UBL7: variants seen among roughly 807,000 people sequenced by gnomAD.
The protein encoded by UBL7 is ubiquitin-like protein 7.
Under a neutral mutation model 41.7 loss-of-function variants are expected in UBL7, and 21 were observed. The ratio of observed to expected loss-of-function variants is 0.50; its 90% CI spans 0.36 to 0.73. The LOEUF (loss-of-function observed/expected upper bound fraction) is 0.73, where lower values mean the gene tolerates loss of function less well. UBL7 is among the 30% of genes least tolerant of loss of function. The pLI is 0.00. For missense variants in UBL7, 403 were observed against 478.4 expected, an observed-to-expected ratio of 0.84 and a Z score of 1.47; for synonymous variants, 157 against 186.9, an observed-to-expected ratio of 0.84 and a Z score of 1.31.
At chr15:74,455,996 G>A (rs1358764567) in intron 3 of UBL7, among the ~76,000 whole-genome samples, 4 of 152,128 alleles carry the variant, frequency 2.6e-5, no homozygotes, top group Non-Finnish European at 5.9e-5. Context: ...GCTTGGTGGT[G>A]GGCGCCTGTA....
At chr15:74,450,155 C>T in intron 6 of UBL7, 86 bp from the exon 7 acceptor site, 1 of 1,433,954 alleles carries the variant, frequency 7.0e-7, no homozygotes, top group Non-Finnish European at 9.3e-7. Flanking sequence ...CCCCTCACAA[C>T]AATGCAGCCA....
chr15:74,458,950 C>A, intron 1 of UBL7, 54 bp from the exon 2 acceptor site: 2 of 1,520,466 alleles, frequency 1.3e-6, no homozygotes, highest in South Asian at 2.3e-5. Context: ...CTCTACTCCA[C>A]CCCCACCCAC....
Position 74,461,159 on chromosome 15 carries a change from C to T in UBL7, c.-152G>A, listed in dbSNP as rs1308280686. On this transcript the variant is annotated 5_prime_UTR_variant, in exon 1 of 11. Coordinates refer to ENST00000395081, the MANE Select transcript of UBL7 (RefSeq NM_032907.5). ...ACTGCCGCCGGTGTAAACACTCACTCTGGCCCTCTCGCCGGAAACCGGAAA... is the reference window on the plus strand; with the variant it reads ...ACTGCCGCCGGTGTAAACACTCACTTTGGCCCTCTCGCCGGAAACCGGAAA... The T allele has an allele frequency of 3.5e-5, 35 of 990,112 alleles. No individual in the cohort carries two copies. The highest frequency in any genetic ancestry group is 4.2e-5 in the Non-Finnish European group (35 of 832,386). 61.3% of individuals were successfully genotyped at this position (990,112 alleles called of 1,614,324 possible). A position where few individuals can be genotyped will look rare whatever the true frequency, so the allele number is the denominator to read the frequency against.
At chr15:74,457,929 G>A (rs1415596768) in intron 2 of UBL7, among the ~76,000 whole-genome samples, 4 of 152,062 alleles carry the variant, frequency 2.6e-5, no homozygotes, top group Non-Finnish European at 4.4e-5. Flanking sequence ...CCTTTTCAGT[G>A]TAATTTAATT....
Position 74,446,143 on chromosome 15 carries a change from C to A in UBL7, c.1090G>T (p.Gly364Cys). The A allele has an allele frequency of 6.2e-7, 1 of 1,614,062 alleles. No homozygotes were observed. The highest frequency in any genetic ancestry group is 1.1e-5 in the South Asian group (1 of 91,084). The change falls in exon 11 of 11, where the codon GGT (glycine) becomes TGT (cysteine). Residue 364 changes from glycine to cysteine, a missense_variant. By Grantham distance (159) the Gly-to-Cys change is radical. Transcript: ENST00000395081. This position sits in a 1 kb window ranked among gnomAD's most constrained non-coding sequence, Gnocchi z 4.1. ...TCCAGGGCTGCTTGGATGTCCCCAC[C>A]GGTGGCCTGCAGGGCCCGCAGGCTC... The part of the protein sequence containing the change: ...ELSLRALQAT[G>C]GDIQAALELI...
At chr15:74,450,921 G>C (rs2061239350) in intron 5 of UBL7, 62 bp from the exon 6 acceptor site, 1 of 1,584,814 alleles carries the variant, frequency 6.3e-7, no homozygotes, top group African/African-American at 1.3e-5. Flanking sequence ...AGGGAGAAGA[G>C]GCTTTGCGTC....
intron 3 of UBL7, among the ~76,000 whole-genome samples, chr15:74,456,191 G>A (rs904730980): frequency 2.6e-5 from 4 of 151,666 alleles, no homozygotes; most frequent in Non-Finnish European, 4.4e-5. Flanking sequence ...CCAGCTACTC[G>A]GGAGGCTGAG....
intron 3 of UBL7, among the ~76,000 whole-genome samples, chr15:74,453,897 G>T (rs1596217070): frequency 1.3e-5 from 2 of 152,320 alleles, no homozygotes; most frequent in South Asian, 4.1e-4. Context: ...CAATAAAAAG[G>T]TCATTTGTTT....
intron 3 of UBL7, among the ~76,000 whole-genome samples, chr15:74,454,624 C>T (rs1303978052): frequency 6.6e-6 from 1 of 152,080 alleles, no homozygotes; most frequent in Admixed American, 6.6e-5. Flanking sequence ...TCTCGAACTC[C>T]CAATCTCAGG....
chr15:74,452,519 G>T (rs1235491347), intron 3 of UBL7, 141 bp from the exon 4 acceptor site: 2 of 791,372 alleles, frequency 2.5e-6, no homozygotes, highest in Admixed American at 2.5e-5. Context: ...GAATGTGAGT[G>T]CCTGCTCAGA....
At chr15:74,457,554 AAT>A (rs139394877) in intron 2 of UBL7, among the ~76,000 whole-genome samples, 38,256 of 147,066 alleles carry the variant, frequency 0.26, 6,824 homozygotes, top group East Asian at 0.54. Flanking sequence ...AAAAAAAAGA[AAT>A]ATATATATAT....
intron 9 of UBL7, 60 bp downstream of exon 9, chr15:74,449,126 C>G: frequency 6.7e-7 from 1 of 1,501,828 alleles, no homozygotes; most frequent in South Asian, 1.3e-5. Context: ...ATCTACTCTA[C>G]TGCTGGGGAG....
chr15:74,454,895 C>T (rs2061280849), intron 3 of UBL7, among the ~76,000 whole-genome samples: 1 of 152,210 alleles, frequency 6.6e-6, no homozygotes, highest in Admixed American at 6.5e-5. Flanking sequence ...GCAGCTGTTA[C>T]TCTCATCAGC....
intron 1 of UBL7, among the ~76,000 whole-genome samples, chr15:74,460,026 A>G (rs2061334181): frequency 6.6e-6 from 1 of 150,936 alleles, no homozygotes; most frequent in South Asian, 2.1e-4. Context: ...CGGATCACTT[A>G]AGATCAGGTG....
rs180867141 is a variant in UBL7 at position 74,450,802 on chromosome 15, G to A, written c.530C>T (p.Thr177Met). Residue 177 changes from threonine (T) to methionine (M), a missense_variant and splice_region_variant, in exon 6 of 11, where the codon ACG (threonine) becomes ATG (methionine). By Grantham distance (81) the Thr-to-Met change is moderately conservative. Coordinates refer to ENST00000395081, the MANE Select transcript of UBL7 (RefSeq NM_032907.5). Reference protein sequence around the residue: ...SVFADPNMLDTLVPAHPALVN... With the variant: ...SVFADPNMLDMLVPAHPALVN... Reference sequence around the variant, plus strand: ...CCTCTAATAGGACAGGTACACTTACGTATCAAGCATATTGGGATCAGCGAA... The same window carrying A: ...CCTCTAATAGGACAGGTACACTTACATATCAAGCATATTGGGATCAGCGAA... 4.0e-5 allele frequency: 65 copies of A among 1,613,176 alleles called. No homozygotes were observed. The African/African-American group carries it at 6.1e-4, about 15-fold the overall frequency.
At chr15:74,450,665 C>T (rs2061235623) in intron 6 of UBL7, 137 bp downstream of exon 6, 3 of 853,430 alleles carry the variant, frequency 3.5e-6, no homozygotes, top group Non-Finnish European at 3.7e-6. Context: ...TCTTTCTCAC[C>T]CCCTGACGTA....
chr15:74,447,749 T>C (rs578241815), intron 10 of UBL7, among the ~76,000 whole-genome samples: 131 of 152,204 alleles, frequency 8.6e-4, no homozygotes, highest in African/African-American at 3.1e-3. Flanking sequence ...GGATCCCTGG[T>C]GACTGCTACA....
chr15:74,451,464 T>G lies in UBL7; in HGVS notation c.444A>C (p.Pro148=). 6.2e-7 allele frequency: 1 copy of G among 1,614,168 alleles called. No individual in the cohort carries two copies. Among genetic ancestry groups the G allele is most frequent in the Non-Finnish European group, 8.5e-7 (1 of 1,180,032 alleles). ...GAGCAATAGGGTCACTGCTGAGGCC[T>G]GGGGTGGCCACAATGATCTGATCCA... ...ESLDQIIVAT[P]GLSSDPIALG... Residue 148 remains proline (P), a synonymous_variant, in exon 5 of 11, where the codon CCA becomes CCC. Transcript: ENST00000395081.
chr15:74,448,599 C>T lies in UBL7; in HGVS notation c.884G>A (p.Gly295Asp). The T allele has an allele frequency of 6.2e-7, 1 of 1,613,850 alleles. No homozygotes were observed. The highest frequency in any genetic ancestry group is 1.1e-5 in the South Asian group (1 of 91,074). ...SSHTPTPGTQGHSSGTSPMSS... is the reference protein window; with the variant it reads ...SSHTPTPGTQDHSSGTSPMSS... Reference sequence around the variant, plus strand: ...CATTGGTGAGGTCCCTGAGGAATGACCCTAGAGACAAATTAGTGGTCAGTG... The same window carrying T: ...CATTGGTGAGGTCCCTGAGGAATGATCCTAGAGACAAATTAGTGGTCAGTG... Residue 295 changes from glycine (G) to aspartate (D), a missense_variant and splice_region_variant, in exon 10 of 11, where the codon GGT (glycine) becomes GAT (aspartate). Physicochemically the swap from Gly to Asp is moderately conservative, Grantham distance 94. Coordinates refer to ENST00000395081, the MANE Select transcript of UBL7 (RefSeq NM_032907.5).
Sources: gnomAD v4.1 joint callset for allele counts (sites outside exome capture counted in the v4.1 genomes callset) on GRCh38, gnomAD v4.1.1 for gene constraint, Gnocchi (gnomAD v3.1) non-coding constraint, MANE v1.5 for transcripts, NCBI Gene and HGNC (gene_info 2026-07-23, HGNC 2026-07-21) for gene names.